The following CLDN10 variants were observed in gnomAD, a reference collection of about 807,000 sequenced individuals.
CLDN10 encodes the protein claudin-10.
A neutral mutation model predicts 22.9 loss-of-function variants in CLDN10; 15 were observed. The ratio of observed to expected loss-of-function variants is 0.65; its 90% confidence interval spans 0.44 to 1.01. The LOEUF (loss-of-function observed/expected upper bound fraction) is 1.01. Among genes scored for constraint, CLDN10 ranks in the 50% least tolerant of loss-of-function variants. The probability of loss-of-function intolerance (pLI) is 0.00; values close to 1 mark genes in which losing one functional copy is unlikely to be tolerated. For missense variants in CLDN10, 247 were observed against 287.8 expected (o/e 0.86, Z 1.03); for synonymous variants, 114 against 111.4 (o/e 1.02, Z -0.15).
chr13:95,475,827 C>CCTCTTTCCCTCTCTCTCT (rs1313555928), intron 1 of CLDN10, among the ~76,000 whole-genome samples: 36 of 151,774 alleles, frequency 2.4e-4, no homozygotes, highest in Admixed American at 1.3e-3. Context: ...CCTCTCTCTC[C>CCTCTTTCCCTCTCTCTCT]CTCTTTCCCT....
chr13:95,569,490 A>T (rs148490797), intron 3 of CLDN10, among the ~76,000 whole-genome samples: 1 of 152,156 alleles, frequency 6.6e-6, no homozygotes, highest in Non-Finnish European at 1.5e-5. Context: ...AGGCTGAGGC[A>T]GGAGAATCAC....
chr13:95,535,656 C>T (rs949775021), intron 1 of CLDN10, among the ~76,000 whole-genome samples: 13 of 151,520 alleles, frequency 8.6e-5, no homozygotes, highest in Non-Finnish European at 1.6e-4. Context: ...GAAGATGTCC[C>T]ATAGGCACAT....
At chr13:95,486,021 TA>T (rs1168205156) in intron 1 of CLDN10, among the ~76,000 whole-genome samples, 1 of 152,184 alleles carries the variant, frequency 6.6e-6, no homozygotes, top group Non-Finnish European at 1.5e-5. Context: ...CCCCAGGGTA[TA>T]AAACCCAGAG....
chr13:95,570,296 G>A (rs967116011), intron 3 of CLDN10, among the ~76,000 whole-genome samples: 2 of 151,972 alleles, frequency 1.3e-5, no homozygotes, highest in Admixed American at 6.6e-5. Context: ...TCTCACTTAC[G>A]GCCAAGCAAA....
At chr13:95,460,888 T>G (rs879711804) in intron 1 of CLDN10, among the ~76,000 whole-genome samples, 1 of 152,100 alleles carries the variant, frequency 6.6e-6, no homozygotes, top group Non-Finnish European at 1.5e-5. Context: ...GCCGGCGGAT[T>G]GCCTGAGGTC....
intron 1 of CLDN10, among the ~76,000 whole-genome samples, chr13:95,451,236 C>T (rs965486572): frequency 3.9e-5 from 6 of 152,344 alleles, no homozygotes; most frequent in East Asian, 1.9e-4. Context: ...CTGCTTCAAT[C>T]GAACTGGACT....
chr13:95,483,752 T>C (rs1325440436), intron 1 of CLDN10, among the ~76,000 whole-genome samples: 1 of 152,198 alleles, frequency 6.6e-6, no homozygotes, highest in Non-Finnish European at 1.5e-5. Context: ...GCCAAGCCCT[T>C]ATGCTCCACC....
intron 3 of CLDN10, among the ~76,000 whole-genome samples, chr13:95,576,953 G>A (rs1355935309): frequency 6.6e-6 from 1 of 152,188 alleles, no homozygotes; most frequent in Non-Finnish European, 1.5e-5. Context: ...AAAGGTGCTG[G>A]CTGAGTCAGG....
At chr13:95,531,051 T>C (rs1278879983) in intron 1 of CLDN10, among the ~76,000 whole-genome samples, 1 of 152,016 alleles carries the variant, frequency 6.6e-6, no homozygotes, top group Non-Finnish European at 1.5e-5. Context: ...CCCGAGTAGC[T>C]GGGACTACAG....
chr13:95,505,749 CTTTTTT>C (rs34828390), intron 1 of CLDN10, among the ~76,000 whole-genome samples: 1,221 of 103,730 alleles, frequency 0.012, 16 homozygotes, highest in African/African-American at 0.042. Flanking sequence ...CCTTCCCTTT[CTTTTTT>C]TTTTTTTTTT....
At chr13:95,449,888 C>T (rs996763040) in intron 1 of CLDN10, among the ~76,000 whole-genome samples, 80 of 152,156 alleles carry the variant, frequency 5.3e-4, no homozygotes, top group Middle Eastern at 3.4e-3. Flanking sequence ...GGACTACAGG[C>T]GCCCGCCACC....
intron 1 of CLDN10, among the ~76,000 whole-genome samples, chr13:95,471,307 A>G (rs1365352735): frequency 1.3e-5 from 2 of 151,800 alleles, no homozygotes; most frequent in Non-Finnish European, 2.9e-5. Flanking sequence ...GGCTTGTCAC[A>G]GAACTCCAAG....
At chr13:95,569,553 C>T (rs899873684) in intron 3 of CLDN10, among the ~76,000 whole-genome samples, 2 of 151,942 alleles carry the variant, frequency 1.3e-5, no homozygotes, top group Non-Finnish European at 2.9e-5. Context: ...CACTGCACTC[C>T]AGCCTGGGCA....
At chr13:95,529,701 T>C (rs1373702145) in intron 1 of CLDN10, among the ~76,000 whole-genome samples, 1 of 152,188 alleles carries the variant, frequency 6.6e-6, no homozygotes, top group Non-Finnish European at 1.5e-5. Context: ...CTTGTCTACA[T>C]GAAGTGTGCA....
At chr13:95,470,768 G>A (rs1042715316) in intron 1 of CLDN10, among the ~76,000 whole-genome samples, 2 of 152,050 alleles carry the variant, frequency 1.3e-5, no homozygotes, top group African/African-American at 4.8e-5. Context: ...TCACACACTT[G>A]TCTCTGTTAC....
intron 1 of CLDN10, among the ~76,000 whole-genome samples, chr13:95,466,736 G>A (rs959599185): frequency 6.6e-5 from 10 of 151,938 alleles, no homozygotes; most frequent in Non-Finnish European, 1.2e-4. Context: ...AAAAAATAAA[G>A]CATTTACTTG....
chr13:95,567,425 CT>C (rs1330365181), intron 3 of CLDN10, among the ~76,000 whole-genome samples: 1 of 152,142 alleles, frequency 6.6e-6, no homozygotes, highest in Non-Finnish European at 1.5e-5. Context: ...CTCTGTTTGT[CT>C]GTTATTGATG....
intron 1 of CLDN10, chr13:95,533,680 G>A (rs956843349): frequency 6.6e-6 from 1 of 152,162 alleles, no homozygotes; most frequent in Non-Finnish European, 1.5e-5. Context: ...AGACATCCAA[G>A]ACTTAGTTAG....
rs138811711 is a variant in CLDN10 at position 95,514,986 on chromosome 13, G to C, written c.215-45146G>C. ...CACTATGGAAGGTGAACTTGCAGGA[G>C]ACTTGGCTGCAACTTGCAATCATTA... On this transcript the variant is annotated intron_variant, in intron 1 of 4. Transcript: ENST00000376873. Among the ~76,000 whole-genome samples the C allele has an allele frequency of 3.7e-3, 563 of 152,296 alleles. 4 individuals are homozygous for C. The highest frequency in any genetic ancestry group is 0.016 in the South Asian group (79 of 4,828).
Sources: allele counts gnomAD v4.1 joint callset (sites outside exome capture counted in the v4.1 genomes callset), GRCh38; gene constraint gnomAD v4.1.1; transcripts MANE v1.5; gene names NCBI Gene and HGNC (gene_info 2026-07-23, HGNC 2026-07-21).